PDE11A: variants seen among roughly 807,000 people sequenced by gnomAD.
PDE11A encodes the protein phosphodiesterase 11A, also known as dual 3',5'-cyclic-AMP and -GMP phosphodiesterase 11A.
In PDE11A, 100 loss-of-function variants were observed where a neutral mutation model predicts 100.5. The ratio of observed to expected loss-of-function variants is 1.00; its 90% CI spans 0.85 to 1.18. The LOEUF is 1.18. PDE11A is among the 50% of genes most tolerant of loss of function. The pLI, the probability that PDE11A is intolerant of heterozygous loss-of-function variation, is 0.00. For missense variants in PDE11A, 1,141 were observed against 1,152.6 expected, an observed-to-expected ratio of 0.99 and a Z score of 0.15; for synonymous variants, 381 against 420.8, an observed-to-expected ratio of 0.91 and a Z score of 1.16.
intron 1 of PDE11A, among the ~76,000 whole-genome samples, chr2:178,029,152 A>G (rs1179722192): frequency 6.6e-6 from 1 of 152,188 alleles, no homozygotes; most frequent in South Asian, 2.1e-4. Flanking sequence ...ATCTAGCTAC[A>G]CTGCACCCAA....
intron 2 of PDE11A, among the ~76,000 whole-genome samples, chr2:177,917,657 T>A (rs1385208007): frequency 3.9e-5 from 6 of 152,236 alleles, no homozygotes; most frequent in Admixed American, 3.3e-4. Context: ...CTCCAATATT[T>A]AAGACTGTGG....
Position 178,071,856 on chromosome 2 carries a change from G to A in PDE11A, c.582C>T (p.Cys194=), listed in dbSNP as rs1198320163. ...RYPPTAIDYK[C]HLKKHNERQF... is the part of the protein sequence containing the mutation. ...GACGCTCATTATGCTTTTTCAGATG[G>A]CACTTGTAGTCGATGGCTGTAGGGG... Residue 194 remains cysteine (C), a synonymous_variant, in exon 1 of 20, where the codon TGC becomes TGT. Coordinates refer to ENST00000286063, the MANE Select transcript of PDE11A (RefSeq NM_016953.4). 4 of 1,613,978 alleles carry A rather than the reference G, an allele frequency of 2.5e-6. No homozygotes were observed. The highest frequency in any genetic ancestry group is 3.4e-6 in the Non-Finnish European group (4 of 1,179,892).
intron 2 of PDE11A, among the ~76,000 whole-genome samples, chr2:178,094,768 G>A (rs563845159): frequency 6.6e-6 from 1 of 152,128 alleles, no homozygotes; most frequent in Admixed American, 6.5e-5. Flanking sequence ...AGCTGAGACG[G>A]CCTCAAGAAA....
At chr2:178,019,933 C>T (rs1275879435) in intron 1 of PDE11A, among the ~76,000 whole-genome samples, 1 of 152,156 alleles carries the variant, frequency 6.6e-6, no homozygotes, top group South Asian at 2.1e-4. Context: ...TGAAGTGCAT[C>T]TTTGACCAAA....
At chr2:177,930,518 A>C (rs1297508232) in intron 2 of PDE11A, among the ~76,000 whole-genome samples, 1 of 152,260 alleles carries the variant, frequency 6.6e-6, no homozygotes, top group African/African-American at 2.4e-5. Context: ...AGTTAAAAGT[A>C]GAATCTGAAT....
chr2:177,715,235 G>A (rs901477340), intron 12 of PDE11A, among the ~76,000 whole-genome samples: 1 of 152,172 alleles, frequency 6.6e-6, no homozygotes, highest in Non-Finnish European at 1.5e-5. Flanking sequence ...GCTCTATTGT[G>A]TTCTAGCTTC....
rs536594333 is a variant in PDE11A, at chr2:177,849,746, T to C, written c.1368-9363A>G. On this transcript the variant is annotated intron_variant, in intron 5 of 19. Transcript: ENST00000286063. The stretch of plus-strand genomic sequence containing the variant: ...TGGAGCTTGCAGTGAGCTGAGATCG[T>C]GCCACTGCACTCCAGCCTGGGCGAC... 6.8e-3 allele frequency among the ~76,000 whole-genome samples: 1,023 copies of C among 150,188 alleles called. 10 individuals carry two copies. Among genetic ancestry groups the C allele is most frequent in the African/African-American group, 0.023 (951 of 40,830 alleles).
intron 6 of PDE11A, among the ~76,000 whole-genome samples, chr2:177,827,947 C>T (rs930338407): frequency 6.6e-6 from 1 of 152,150 alleles, no homozygotes. Context: ...AGAAAATAAT[C>T]CATCTGAATT....
intron 2 of PDE11A, among the ~76,000 whole-genome samples, chr2:178,092,125 A>G (rs1384429999): frequency 6.6e-6 from 1 of 152,228 alleles, no homozygotes; most frequent in Non-Finnish European, 1.5e-5. Context: ...ACCAACCACA[A>G]GTTAATGAAA....
chr2:177,950,808 C>T (rs1410098257), intron 2 of PDE11A, among the ~76,000 whole-genome samples: 2 of 152,174 alleles, frequency 1.3e-5, no homozygotes, highest in African/African-American at 4.8e-5. Flanking sequence ...CTACTTGGGA[C>T]GCTGAGGCAG....
intron 1 of PDE11A, among the ~76,000 whole-genome samples, chr2:178,016,131 A>ATT (rs55638601): frequency 0.1 from 8,363 of 83,566 alleles, 631 homozygotes; most frequent in African/African-American, 0.14. Flanking sequence ...TGCCTGGCTA[A>ATT]TTTTTTTTTT....
chr2:177,638,306 T>A (rs2080083846), intron 19 of PDE11A, among the ~76,000 whole-genome samples: 1 of 151,674 alleles, frequency 6.6e-6, no homozygotes, highest in South Asian at 2.1e-4. Context: ...GCCTACTATA[T>A]TTTTTTTACC....
At chr2:177,964,636 G>A (rs76350156) in intron 2 of PDE11A, among the ~76,000 whole-genome samples, 1,728 of 152,210 alleles carry the variant, frequency 0.011, 27 homozygotes, top group East Asian at 0.074. Context: ...GGGAACATGT[G>A]GTATTTGGTT....
chr2:178,022,280 A>T (rs1429178610), intron 1 of PDE11A, among the ~76,000 whole-genome samples: 1 of 152,088 alleles, frequency 6.6e-6, no homozygotes, highest in Non-Finnish European at 1.5e-5. Flanking sequence ...GAGAAGTGAA[A>T]ATGACTCCAT....
chr2:177,820,123 A>T (rs899967029), intron 7 of PDE11A, 97 bp downstream of exon 7: 1 of 732,896 alleles, frequency 1.4e-6, no homozygotes. Context: ...AGTCCTGGCC[A>T]TAAAAAGAGG....
chr2:177,699,804 G>A (rs373386910), intron 14 of PDE11A, among the ~76,000 whole-genome samples: 15 of 152,338 alleles, frequency 9.8e-5, no homozygotes, highest in Admixed American at 6.5e-4. Context: ...GCATGGTTCC[G>A]TCATTGATAG....
intron 2 of PDE11A, among the ~76,000 whole-genome samples, chr2:178,091,257 G>C (rs959535702): frequency 2.0e-5 from 3 of 152,012 alleles, no homozygotes; most frequent in African/African-American, 7.2e-5. Context: ...TTTTTGCAGA[G>C]ATAGGGTTTC....
chr2:177,972,898 T>C (rs74564885), intron 2 of PDE11A, among the ~76,000 whole-genome samples: 2 of 152,126 alleles, frequency 1.3e-5, no homozygotes, highest in African/African-American at 4.8e-5. Flanking sequence ...TCTGCTAAAC[T>C]GAGAGAAGGG....
intron 2 of PDE11A, among the ~76,000 whole-genome samples, chr2:177,906,404 G>A (rs2084789490): frequency 6.6e-6 from 1 of 152,090 alleles, no homozygotes; most frequent in African/African-American, 2.4e-5. Flanking sequence ...AGGACTTGAG[G>A]TACACAAAAG....
Sources: allele counts gnomAD v4.1 joint callset (sites outside exome capture counted in the v4.1 genomes callset), GRCh38; gene constraint gnomAD v4.1.1; transcripts MANE v1.5; gene names NCBI Gene and HGNC (gene_info 2026-07-23, HGNC 2026-07-21).